UNC45B: variants seen among roughly 807,000 people sequenced by gnomAD.
The protein encoded by UNC45B is unc-45 myosin chaperone B.
UNC45B carries 78 observed loss-of-function variants against 98.7 expected under a neutral mutation model. The ratio of observed to expected loss-of-function variants is 0.79; its 90% CI spans 0.66 to 0.95. The LOEUF (loss-of-function observed/expected upper bound fraction) is 0.95, where lower values mean the gene tolerates loss of function less well. Ranked by LOEUF, UNC45B falls within the 40% of genes least tolerant of loss-of-function variation. The pLI is 0.00. For synonymous variants in UNC45B, 462 were observed against 480.4 expected (o/e 0.96, Z 0.50); for missense variants, 1,225 against 1,184.9 (o/e 1.03, Z -0.50).
chr17:35,163,006 G>A (rs1211072171), intron 8 of UNC45B, among the ~76,000 whole-genome samples: 1 of 152,164 alleles, frequency 6.6e-6, no homozygotes, highest in Admixed American at 6.6e-5. Context: ...AAATCAGACG[G>A]GATTGGGAGC....
chr17:35,171,547 G>A, intron 13 of UNC45B, 85 bp downstream of exon 13: 1 of 1,525,614 alleles, frequency 6.6e-7, no homozygotes, highest in South Asian at 1.3e-5. Context: ...AGTGGTGTCA[G>A]GAGTGGCACG....
chr17:35,173,096 G>A (rs1034040925), intron 13 of UNC45B, among the ~76,000 whole-genome samples: 4 of 150,822 alleles, frequency 2.7e-5, no homozygotes, highest in African/African-American at 9.8e-5. Flanking sequence ...ATTGCCACAC[G>A]CACTGTGGCC....
intron 7 of UNC45B, among the ~76,000 whole-genome samples, chr17:35,158,061 G>A (rs1163092852): frequency 1.3e-5 from 2 of 151,960 alleles, no homozygotes; most frequent in African/African-American, 4.8e-5. Context: ...TTTTTCATAG[G>A]GACAGGGTCT....
chr17:35,185,987 T>C (rs999771806), intron 19 of UNC45B, among the ~76,000 whole-genome samples: 2 of 152,160 alleles, frequency 1.3e-5, no homozygotes, highest in African/African-American at 4.8e-5. Context: ...GAAGGTCTTG[T>C]GCTGTGTCAT....
rs765054304 is a variant in UNC45B at position 35,155,452 on chromosome 17, G to T, written c.796G>T (p.Ala266Ser). The T allele has an allele frequency of 6.2e-7, 1 of 1,614,168 alleles. No individual in the cohort carries two copies. The highest frequency in any genetic ancestry group is 8.5e-7 in the Non-Finnish European group (1 of 1,180,014). The part of the protein sequence containing the change: ...DKREHRGKEE[A>S]LVLDTKKDLK... Reference sequence around the variant, plus strand: ...GCGGGAGCATCGAGGGAAGGAGGAGGCCCTGGTTCTAGGTAGGAAACATTC... The same window carrying T: ...GCGGGAGCATCGAGGGAAGGAGGAGTCCCTGGTTCTAGGTAGGAAACATTC... The change falls in exon 7 of 20, where the codon GCC becomes TCC. Residue 266 changes from alanine to serine, a missense_variant. By Grantham distance (99) the Ala-to-Ser change is moderately conservative. Transcript: ENST00000394570.
intron 8 of UNC45B, among the ~76,000 whole-genome samples, chr17:35,163,260 C>A (rs538634628): frequency 2.6e-5 from 4 of 152,200 alleles, no homozygotes; most frequent in Non-Finnish European, 4.4e-5. Flanking sequence ...CCCTTCTATA[C>A]TTATCACATC....
intron 6 of UNC45B, 35 bp from the exon 7 acceptor site, chr17:35,155,261 A>C: frequency 6.2e-7 from 1 of 1,607,640 alleles, no homozygotes; most frequent in African/African-American, 1.3e-5. Context: ...AGGGAGGGGC[A>C]AGGCAGCTGA....
chr17:35,174,845 GAGAA>G (rs759835403), intron 14 of UNC45B, among the ~76,000 whole-genome samples: 1 of 145,904 alleles, frequency 6.9e-6, no homozygotes, highest in South Asian at 2.5e-4. Flanking sequence ...TAAAGAAAGA[GAGAA>G]AGAGAGAGAG....
intron 14 of UNC45B, among the ~76,000 whole-genome samples, chr17:35,174,835 TAAAG>T (rs924930388): frequency 7.9e-5 from 8 of 101,518 alleles, no homozygotes; most frequent in African/African-American, 3.1e-4. Context: ...AAAAGAGAAA[TAAAG>T]AAAGAGAGAA....
chr17:35,183,988 G>T (rs1014672186), intron 19 of UNC45B, among the ~76,000 whole-genome samples: 2 of 152,206 alleles, frequency 1.3e-5, no homozygotes, highest in African/African-American at 4.8e-5. Flanking sequence ...ACAATGACCA[G>T]CTCCTATGAG....
chr17:35,152,677 G>A (rs971462969), intron 4 of UNC45B, among the ~76,000 whole-genome samples: 2 of 152,238 alleles, frequency 1.3e-5, no homozygotes, highest in African/African-American at 4.8e-5. Context: ...CAGATGGTGA[G>A]CCTTCAGGGG....
At position 35,152,895 on chromosome 17, in the gene UNC45B, C is replaced by G. The variant is rs755248695; in HGVS notation, c.384C>G (p.Leu128=). The change falls in exon 5 of 20, where the codon CTC becomes CTG. Residue 128 remains leucine (L), a splice_region_variant and synonymous_variant. Transcript: ENST00000394570. The part of the protein sequence containing the change: ...RRLNTSIQEK[L]RVQFSTDSRV... ...CCCACTCCCTCCTCTCTCCTCAGCT[C>G]CGAGTGCAGTTCTCCACAGACTCGA... The G allele has an allele frequency of 6.2e-7, 1 of 1,613,986 alleles. No homozygotes were observed. Among genetic ancestry groups the G allele is most frequent in the East Asian group, 2.2e-5 (1 of 44,880 alleles).
At chr17:35,177,242 C>T in intron 16 of UNC45B, 112 bp downstream of exon 16, 1 of 1,035,690 alleles carries the variant, frequency 9.7e-7, no homozygotes, top group South Asian at 1.6e-5. Flanking sequence ...GGTGCTGTCA[C>T]ACGGAGGGTG....
intron 2 of UNC45B, 67 bp from the exon 3 acceptor site, chr17:35,148,906 C>T: frequency 1.3e-6 from 2 of 1,595,650 alleles, no homozygotes; most frequent in South Asian, 2.2e-5. Context: ...ACTGTGGGGA[C>T]ACTCTCTGGC....
chr17:35,158,487 C>T (rs976063227), intron 7 of UNC45B, among the ~76,000 whole-genome samples: 4 of 152,188 alleles, frequency 2.6e-5, no homozygotes, highest in African/African-American at 7.2e-5. Flanking sequence ...GAGGAGATTA[C>T]CCAAGAGCAT....
At chr17:35,174,569 C>T (rs971424123) in intron 14 of UNC45B, among the ~76,000 whole-genome samples, 200 bp downstream of exon 14, 6 of 152,144 alleles carry the variant, frequency 3.9e-5, no homozygotes, top group African/African-American at 7.2e-5. Flanking sequence ...CCTGTAATCC[C>T]AGGGCTTTGG....
At chr17:35,163,529 A>G (rs1316573015) in intron 8 of UNC45B, among the ~76,000 whole-genome samples, 1 of 152,216 alleles carries the variant, frequency 6.6e-6, no homozygotes, top group Non-Finnish European at 1.5e-5. Context: ...ACACTCAATA[A>G]TAAACATTTA....
intron 4 of UNC45B, 74 bp downstream of exon 4, chr17:35,150,297 A>G: frequency 6.6e-7 from 1 of 1,507,060 alleles, no homozygotes; most frequent in Admixed American, 2.1e-5. Context: ...TGGGTTAGGG[A>G]GGTGGGTCAT....
intron 5 of UNC45B, 38 bp downstream of exon 5, chr17:35,153,020 C>A: frequency 6.5e-7 from 1 of 1,539,388 alleles, no homozygotes; most frequent in South Asian, 1.2e-5. Flanking sequence ...AGCAGAAGGA[C>A]CCGCCAGTCT....
Sources: gnomAD v4.1 joint callset for allele counts (sites outside exome capture counted in the v4.1 genomes callset) on GRCh38, gnomAD v4.1.1 for gene constraint, MANE v1.5 for transcripts, NCBI Gene and HGNC (gene_info 2026-07-23, HGNC 2026-07-21) for gene names.